REXO4: variants seen among roughly 807,000 people sequenced by gnomAD.
The protein encoded by REXO4 is REX4 homolog, 3'-5' exonuclease.
A neutral mutation model predicts 39.9 loss-of-function variants in REXO4; 29 were observed. The ratio of observed to expected loss-of-function variants is 0.73; its 90% CI spans 0.54 to 0.99. The LOEUF is 0.99. Among genes scored for constraint, REXO4 ranks in the 50% least tolerant of loss-of-function variants. The probability of loss-of-function intolerance (pLI) is 0.00; values close to 1 mark genes in which losing one functional copy is unlikely to be tolerated. For missense variants in REXO4, 524 were observed against 546.5 expected (o/e 0.96, Z 0.41); for synonymous variants, 184 against 206.2 (o/e 0.89, Z 0.92).
At chr9:133,409,720 C>T (rs587723409) in intron 5 of REXO4, among the ~76,000 whole-genome samples, 1 of 152,268 alleles carries the variant, frequency 6.6e-6, no homozygotes, top group South Asian at 2.1e-4. Context: ...CGCCACCACA[C>T]CTGGCTAATT....
At chr9:133,407,221 G>A (rs1838934366) in intron 7 of REXO4, 149 bp from the exon 8 acceptor site, 1 of 1,252,408 alleles carries the variant, frequency 8.0e-7, no homozygotes, top group Admixed American at 2.1e-5. Flanking sequence ...CCAGGACGGG[G>A]AGGGAGGACA....
chr9:133,408,932 CTTTGTGTG>C (rs1420552440), intron 5 of REXO4, 90 bp from the exon 6 acceptor site: 4,169 of 405,962 alleles, frequency 0.01, 223 homozygotes, highest in South Asian at 0.024. Flanking sequence ...CAAGTAACAT[CTTTGTGTG>C]TGTGTGTGTG....
chr9:133,406,878 G>A lies in REXO4; in HGVS notation c.*75C>T. 6.3e-7 allele frequency: 1 copy of A among 1,592,210 alleles called. No homozygotes were observed. ...AGGTTTCACCAGAGTTGCCACTCTGGGGAGATGTGATCTGTCCCTGTGACT... is the reference window on the plus strand; with the variant it reads ...AGGTTTCACCAGAGTTGCCACTCTGAGGAGATGTGATCTGTCCCTGTGACT... On this transcript the variant is annotated 3_prime_UTR_variant, in exon 8 of 8. Transcript: ENST00000371942.
rs1838906662 is a variant in REXO4 at position 133,406,939 on chromosome 9, G to C, written c.*14C>G. On this transcript the variant is annotated 3_prime_UTR_variant, in exon 8 of 8. Transcript: ENST00000371942. ...CCTCTGTAGCGGGGCGGCAGCAGCA[G>C]CAGGGCAGGACTGCTAGGCGTCGTC... 6.2e-7 allele frequency: 1 copy of C among 1,609,108 alleles called. No homozygotes were observed. Among genetic ancestry groups the C allele is most frequent in the East Asian group, 2.2e-5 (1 of 44,880 alleles).
chr9:133,413,167 T>C (rs918320433), intron 2 of REXO4, among the ~76,000 whole-genome samples: 4 of 152,180 alleles, frequency 2.6e-5, no homozygotes, highest in Admixed American at 6.5e-5. Context: ...GGCATGATCT[T>C]GGCTCACTGC....
rs1564389609 is a variant in REXO4, at chr9:133,407,024, C to T, written c.1198G>A (p.Glu400Lys). The part of the protein sequence containing the change: ...AMRLYVMVKK[E>K]WESMARDRRP... ...CTGTCTCGGGCCATGCTCTCCCACT[C>T]CTTCTTCACCATGACGTACAGCCTC... Residue 400 changes from glutamate to lysine, a missense_variant, in exon 8 of 8, where the codon GAG becomes AAG. Transcript: ENST00000371942. The T allele has an allele frequency of 2.5e-6, 4 of 1,613,428 alleles. No individual in the cohort carries two copies. Among genetic ancestry groups the T allele is most frequent in the Admixed American group, 1.7e-5 (1 of 60,026 alleles).
rs1446429073 is a variant in REXO4 at position 133,406,911 on chromosome 9, T to C, written c.*42A>G. The C allele has an allele frequency of 8.1e-6, 13 of 1,604,880 alleles. No individual in the cohort carries two copies. Among genetic ancestry groups the C allele is most frequent in the Non-Finnish European group, 9.3e-6 (11 of 1,179,784 alleles). Reference sequence around the variant, plus strand: ...TGATCTGTCCCTGTGACTGGTCACATTGCCTCTGTAGCGGGGCGGCAGCAG... The same window carrying C: ...TGATCTGTCCCTGTGACTGGTCACACTGCCTCTGTAGCGGGGCGGCAGCAG... On this transcript the variant is annotated 3_prime_UTR_variant, in exon 8 of 8. Coordinates refer to ENST00000371942, the MANE Select transcript of REXO4 (RefSeq NM_020385.4).
Position 133,417,795 on chromosome 9 carries a change from A to C in REXO4, c.50T>G (p.Val17Gly). The C allele has an allele frequency of 3.1e-6, 5 of 1,608,744 alleles. No homozygotes were observed. Among genetic ancestry groups the C allele is most frequent in the Non-Finnish European group, 4.2e-6 (5 of 1,179,780 alleles). Residue 17 changes from valine (V) to glycine (G), a missense_variant, in exon 1 of 8, where the codon GTG (valine) becomes GGG (glycine). Transcript: ENST00000371942. Reference protein sequence around the residue: ...PASKRAPSSPVAKPGPVKTLT... With the variant: ...PASKRAPSSPGAKPGPVKTLT... ...CGTCTTGACAGGACCCGGCTTAGCCACGGGGCTGCTCGGGGCGCGCTTGGA... is the reference window on the plus strand; with the variant it reads ...CGTCTTGACAGGACCCGGCTTAGCCCCGGGGCTGCTCGGGGCGCGCTTGGA...
intron 1 of REXO4, among the ~76,000 whole-genome samples, chr9:133,416,369 T>C (rs1355754914): frequency 6.6e-6 from 1 of 152,148 alleles, no homozygotes; most frequent in Admixed American, 6.5e-5. Flanking sequence ...ATTTCTTTTT[T>C]AAAAAAACTA....
Position 133,407,793 on chromosome 9 carries a change from C to G in REXO4, c.1149+14G>C. On this transcript the variant is annotated intron_variant, in intron 7 of 7. Transcript: ENST00000371942. Reference sequence around the variant, plus strand: ...GCCCCAAACCCCATGAACTACCCCACAGGACACACTTACTGAACAGTGCTC... The same window carrying G: ...GCCCCAAACCCCATGAACTACCCCAGAGGACACACTTACTGAACAGTGCTC... 4.3e-6 allele frequency: 7 copies of G among 1,612,290 alleles called. No individual in the cohort carries two copies. The highest frequency in any genetic ancestry group is 5.9e-6 in the Non-Finnish European group (7 of 1,178,698).
Position 133,414,794 on chromosome 9 carries a change from T to G in REXO4, c.443A>C (p.Lys148Thr). The G allele has an allele frequency of 1.9e-6, 3 of 1,614,180 alleles. No homozygotes were observed. The highest frequency in any genetic ancestry group is 2.5e-6 in the Non-Finnish European group (3 of 1,180,028). The part of the protein sequence containing the change: ...MDRRAPVPRT[K>T]ASGTEHNKKG... ...CTTATTGTGCTCTGTTCCACTGGCCTTGGTGCGAGGTACTGGCGCCCTCCT... is the reference window on the plus strand; with the variant it reads ...CTTATTGTGCTCTGTTCCACTGGCCGTGGTGCGAGGTACTGGCGCCCTCCT... Residue 148 changes from lysine (K) to threonine (T), a missense_variant, in exon 2 of 8, where the codon AAG becomes ACG. Coordinates refer to ENST00000371942, the MANE Select transcript of REXO4 (RefSeq NM_020385.4).
intron 5 of REXO4, among the ~76,000 whole-genome samples, chr9:133,409,808 C>T (rs1839116624): frequency 6.6e-6 from 1 of 152,202 alleles, no homozygotes; most frequent in African/African-American, 2.4e-5. Context: ...AGCAATCCTC[C>T]AGCCTCAGCC....
intron 1 of REXO4, 35 bp downstream of exon 1, chr9:133,417,585 G>A: frequency 1.2e-6 from 2 of 1,602,230 alleles, no homozygotes; most frequent in Non-Finnish European, 8.5e-7. Context: ...GGAATGAGCT[G>A]CGCAGCGCTC....
chr9:133,407,185 G>T, intron 7 of REXO4, 113 bp from the exon 8 acceptor site: 2 of 1,525,548 alleles, frequency 1.3e-6, no homozygotes, highest in Non-Finnish European at 1.8e-6. Context: ...TACTGAGTGA[G>T]ACATGGACCT....
chr9:133,413,105 CCTTTT>C (rs955625764), intron 2 of REXO4, among the ~76,000 whole-genome samples, 184 bp from the exon 3 acceptor site: 3 of 151,910 alleles, frequency 2.0e-5, no homozygotes, highest in Non-Finnish European at 2.9e-5. Flanking sequence ...TTGGCATTTT[CCTTTT>C]TTTTTTGAGA....
intron 3 of REXO4, 37 bp from the exon 4 acceptor site, chr9:133,412,529 G>A (rs141196804): frequency 1.9e-5 from 31 of 1,607,070 alleles, no homozygotes; most frequent in Middle Eastern, 1.7e-4. Flanking sequence ...TAATAAACAC[G>A]GCAGGCCACA....
Position 133,407,788 on chromosome 9 carries a change from C to T in REXO4, c.1149+19G>A, listed in dbSNP as rs1389599670. ...AAACCGCCCCAAACCCCATGAACTACCCCACAGGACACACTTACTGAACAG... is the reference window on the plus strand; with the variant it reads ...AAACCGCCCCAAACCCCATGAACTATCCCACAGGACACACTTACTGAACAG... On this transcript the variant is annotated intron_variant, in intron 7 of 7. Coordinates refer to ENST00000371942, the MANE Select transcript of REXO4 (RefSeq NM_020385.4). 1 of 1,610,054 alleles carries T rather than the reference C, an allele frequency of 6.2e-7. No individual in the cohort carries two copies. The highest frequency in any genetic ancestry group is 1.3e-5 in the African/African-American group (1 of 74,864).
intron 1 of REXO4, among the ~76,000 whole-genome samples, 166 bp downstream of exon 1, chr9:133,417,454 T>C (rs1554781886): frequency 6.6e-6 from 1 of 152,282 alleles, no homozygotes; most frequent in African/African-American, 2.4e-5. Context: ...AGCAAACAAG[T>C]TCGAGACCTC....
At chr9:133,411,121 C>G in intron 4 of REXO4, 48 bp from the exon 5 acceptor site, 1 of 1,495,678 alleles carries the variant, frequency 6.7e-7, no homozygotes, top group Non-Finnish European at 9.3e-7. Flanking sequence ...CACACATCAC[C>G]ATCATTCTGT....
Sources: gnomAD v4.1 joint callset for allele counts (sites outside exome capture counted in the v4.1 genomes callset) on GRCh38, gnomAD v4.1.1 for gene constraint, MANE v1.5 for transcripts, NCBI Gene and HGNC (gene_info 2026-07-23, HGNC 2026-07-21) for gene names.